The following HECTD3 variants were observed in gnomAD, a reference collection of about 807,000 sequenced individuals.
HECTD3 encodes the protein HECT domain E3 ubiquitin protein ligase 3, also known as E3 ubiquitin-protein ligase HECTD3.
In HECTD3, 72 loss-of-function variants were observed where a neutral mutation model predicts 109.3. The ratio of observed to expected loss-of-function variants is 0.66; its 90% confidence interval spans 0.54 to 0.80. HECTD3 has a LOEUF of 0.80. HECTD3 is among the 30% of genes least tolerant of loss of function. HECTD3 has a pLI of 0.00. For missense variants in HECTD3, 1,041 were observed against 1,165.2 expected, an observed-to-expected ratio of 0.89 and a Z score of 1.55; for synonymous variants, 481 against 471.8, an observed-to-expected ratio of 1.02 and a Z score of -0.25.
At position 45,006,136 on chromosome 1, in the gene HECTD3, G is replaced by GT; in HGVS notation, c.1726-21dup. Reference sequence around the variant, plus strand: ...ATTGCCCTGCCCCAGAGACAGAGCTGTGAGTGTGGCATGAGATACACCCTA... The same window carrying GT: ...ATTGCCCTGCCCCAGAGACAGAGCTGTTGAGTGTGGCATGAGATACACCCTA... On this transcript the variant is annotated intron_variant, in intron 13 of 20. Transcript: ENST00000372172. This position sits in a 1 kb window ranked among gnomAD's most constrained non-coding sequence, Gnocchi z 4.7. 4 of 1,610,108 alleles carry GT rather than the reference G, an allele frequency of 2.5e-6. No homozygotes were observed. The South Asian group carries it at 3.3e-5, about 13-fold the overall frequency.
Position 45,009,909 on chromosome 1 carries a change from G to A in HECTD3, c.759+77C>T, listed in dbSNP as rs141183687. The A allele has an allele frequency of 9.7e-5, 146 of 1,498,688 alleles. 1 individual carries two copies. The highest frequency in any genetic ancestry group is 9.1e-4 in the Admixed American group (40 of 44,080). 92.8% of individuals were successfully genotyped at this position (1,498,688 alleles called of 1,614,324 possible). A position where few individuals can be genotyped will look rare whatever the true frequency, so the allele number is the denominator to read the frequency against. ...ACCCTGTTTTAGTCCTGGCCTGCAG[G>A]TGGGGGTTCTTTCTGGATCTAGCCT... On this transcript the variant is annotated intron_variant, in intron 4 of 20. Transcript: ENST00000372172.
chr1:45,005,559 T>A, intron 15 of HECTD3: 1 of 411,996 alleles, frequency 2.4e-6, no homozygotes, highest in Non-Finnish European at 4.3e-6. Context: ...AGATGCCATC[T>A]TGGGGCAAAC....
intron 16 of HECTD3, 46 bp from the exon 17 acceptor site, chr1:45,004,423 C>T: frequency 6.2e-7 from 1 of 1,613,130 alleles, no homozygotes; most frequent in Non-Finnish European, 8.5e-7. Context: ...GGGCACACCT[C>T]CCGCCTCACA....
rs1644791947 is a variant in HECTD3, at chr1:45,011,312, C to T, written c.-55G>A. ...GCGACCCTGCCCGGGGAACAGCTGG[C>T]GCGACCGCGGACAGAGCTTCCCACC... On this transcript the variant is annotated 5_prime_UTR_variant, in exon 1 of 21. Coordinates refer to ENST00000372172, the MANE Select transcript of HECTD3 (RefSeq NM_024602.6). 3.0e-6 allele frequency: 4 copies of T among 1,349,154 alleles called. No homozygotes were observed. The East Asian group carries it at 9.3e-5, about 31-fold the overall frequency. The allele number at this position is 1,349,154 out of a possible 1,614,324, so 83.6% of individuals were successfully genotyped here.
intron 2 of HECTD3, 78 bp downstream of exon 2, chr1:45,010,468 C>A: frequency 6.3e-7 from 1 of 1,579,124 alleles, no homozygotes; most frequent in African/African-American, 1.3e-5. Flanking sequence ...CCACCCACCC[C>A]AGGCTGTGGC....
At position 45,007,568 on chromosome 1, in the gene HECTD3, G is replaced by A. The variant is rs1557728786; in HGVS notation, c.1348C>T (p.Arg450Cys). 8 of 1,612,320 alleles carry A rather than the reference G, an allele frequency of 5.0e-6. No homozygotes were observed. Among genetic ancestry groups the A allele is most frequent in the South Asian group, 1.1e-5 (1 of 91,076 alleles). ...KQVKQFLLLS[R>C]QRPGLVAQCL... ...TGAGCCACCAGGCCTGGCCGCTGGC[G>A]GGACAGCAGTAGGAACTGCTTCACT... is the stretch of plus-strand genomic sequence containing the variant. The change falls in exon 10 of 21, where the codon CGC becomes TGC. Residue 450 changes from arginine (R) to cysteine (C), a missense_variant. By Grantham distance (180) the Arg-to-Cys change is radical. Transcript: ENST00000372172.
intron 3 of HECTD3, 27 bp from the exon 4 acceptor site, chr1:45,010,148 A>C: frequency 5.0e-6 from 8 of 1,613,490 alleles, no homozygotes; most frequent in Non-Finnish European, 6.8e-6. Context: ...CCCTAATTAG[A>C]CTGGGCCCAG....
Position 45,010,711 on chromosome 1 carries a change from C to G in HECTD3, c.370-5G>C. 6.5e-7 allele frequency: 1 copy of G among 1,542,234 alleles called. No individual in the cohort carries two copies. Among genetic ancestry groups the G allele is most frequent in the Non-Finnish European group, 8.7e-7 (1 of 1,149,526 alleles). On this transcript the variant is annotated splice_region_variant and splice_polypyrimidine_tract_variant and intron_variant, in intron 1 of 20. Transcript: ENST00000372172. ...CAGGTGCTCTGCCAGCTGCTCCTGC[C>G]GGGACGCGTAGGATGGGGACAGCCG...
chr1:45,007,882 C>T (rs1018612248), intron 9 of HECTD3, among the ~76,000 whole-genome samples: 3 of 148,396 alleles, frequency 2.0e-5, no homozygotes, highest in Non-Finnish European at 3.0e-5. Context: ...CAACCAGGAC[C>T]TGTCTCCTGC....
intron 9 of HECTD3, among the ~76,000 whole-genome samples, chr1:45,007,985 T>G (rs1644751140): frequency 6.6e-6 from 1 of 152,186 alleles, no homozygotes; most frequent in Non-Finnish European, 1.5e-5. Context: ...TCCCTGTATG[T>G]ACCTTTCACG....
chr1:45,006,816 A>C lies in HECTD3; in HGVS notation c.1622-21T>G, dbSNP rs773179837. The C allele has an allele frequency of 3.7e-6, 6 of 1,607,802 alleles. No individual in the cohort carries two copies. Among genetic ancestry groups the C allele is most frequent in the Non-Finnish European group, 5.1e-6 (6 of 1,175,712 alleles). ...ACCCCCTGAAATGACAGATGCCCTC[A>C]GCTGGGCACTCAAGAGCCCAGCTCC... On this transcript the variant is annotated intron_variant, in intron 12 of 20. Coordinates refer to ENST00000372172, the MANE Select transcript of HECTD3 (RefSeq NM_024602.6). This position sits in a 1 kb window ranked among gnomAD's most constrained non-coding sequence, Gnocchi z 4.7.
Position 45,002,959 on chromosome 1 carries a change from A to T in HECTD3, c.*533T>A, listed in dbSNP as rs4660829. 0.99 allele frequency: 160,954 copies of T among 162,382 alleles called. 79,788 individuals carry two copies. The highest frequency in any genetic ancestry group is 1 in the Middle Eastern group (308 of 308). 10.1% of individuals were successfully genotyped at this position (162,382 alleles called of 1,614,324 possible). A position where few individuals can be genotyped will look rare whatever the true frequency, so the allele number is the denominator to read the frequency against. ...ATGGAGGGAGAGGGGAAAAGAGCAGAATGTGAGGGCAGGTGCTCAGCTACT... is the reference window on the plus strand; with the variant it reads ...ATGGAGGGAGAGGGGAAAAGAGCAGTATGTGAGGGCAGGTGCTCAGCTACT... On this transcript the variant is annotated 3_prime_UTR_variant, in exon 21 of 21. Coordinates refer to ENST00000372172, the MANE Select transcript of HECTD3 (RefSeq NM_024602.6).
Position 45,009,089 on chromosome 1 carries a change from T to C in HECTD3, c.1072+55A>G, listed in dbSNP as rs544365923. On this transcript the variant is annotated intron_variant, in intron 7 of 20. Transcript: ENST00000372172. ...TCTTCTCTCCACACACACTCTCTGT[T>C]TGCCCCCATCTCCACGCCGGGCTCT... 2.5e-4 allele frequency: 341 copies of C among 1,349,522 alleles called. 1 individual carries two copies. Among genetic ancestry groups the C allele is most frequent in the Non-Finnish European group, 2.9e-4 (275 of 939,134 alleles). 83.6% of individuals were successfully genotyped at this position (1,349,522 alleles called of 1,614,324 possible). A position where few individuals can be genotyped will look rare whatever the true frequency, so the allele number is the denominator to read the frequency against.
Position 45,006,894 on chromosome 1 carries a change from C to G in HECTD3, c.1621+57G>C, listed in dbSNP as rs1644740572. 1 of 1,601,540 alleles carries G rather than the reference C, an allele frequency of 6.2e-7. No individual in the cohort carries two copies. Among genetic ancestry groups the G allele is most frequent in the African/African-American group, 1.3e-5 (1 of 74,692 alleles). ...ATCATCATTAGCTGGTGAAAAGCCT[C>G]TACCACTTTGATAGGGCAGCAAGCA... On this transcript the variant is annotated intron_variant, in intron 12 of 20. Transcript: ENST00000372172. The surrounding 1 kb of genome is among the most constrained non-coding windows in gnomAD (Gnocchi z 4.7).
Position 45,011,024 on chromosome 1 carries a change from T to C in HECTD3, c.234A>G (p.Ala78=). ...CGGAGCCGGTACCGGGGGCTGGGCCTGCGGCGCCCACACGCAGCCCCAGGC... is the reference window on the plus strand; with the variant it reads ...CGGAGCCGGTACCGGGGGCTGGGCCCGCGGCGCCCACACGCAGCCCCAGGC... ...AEGLGLRVGA[A]GPAPGTGSGP... Residue 78 remains alanine (A), a synonymous_variant, in exon 1 of 21, where the codon GCA becomes GCG. Coordinates refer to ENST00000372172, the MANE Select transcript of HECTD3 (RefSeq NM_024602.6). 1 of 1,423,440 alleles carries C rather than the reference T, an allele frequency of 7.0e-7. No homozygotes were observed. The highest frequency in any genetic ancestry group is 9.1e-7 in the Non-Finnish European group (1 of 1,096,190). 88.2% of individuals were successfully genotyped at this position (1,423,440 alleles called of 1,614,324 possible).
Position 45,003,589 on chromosome 1 carries a change from G to A in HECTD3, c.2502-13C>T, listed in dbSNP as rs753902481. ...GCATACCTTGGCACTGTGGGAATGG[G>A]GACTTGGTCAGGTCCCTACATCGCT... On this transcript the variant is annotated splice_polypyrimidine_tract_variant and intron_variant, in intron 20 of 20. Transcript: ENST00000372172. This position sits in a 1 kb window ranked among gnomAD's most constrained non-coding sequence, Gnocchi z 4.7. 6.2e-7 allele frequency: 1 copy of A among 1,614,134 alleles called. No homozygotes were observed. Among genetic ancestry groups the A allele is most frequent in the Non-Finnish European group, 8.5e-7 (1 of 1,179,970 alleles).
Position 45,010,814 on chromosome 1 carries a change from G to A in HECTD3, c.369+75C>T. 5 of 1,508,168 alleles carry A rather than the reference G, an allele frequency of 3.3e-6. No individual in the cohort carries two copies. In the South Asian group the frequency reaches 3.9e-5, roughly 12 times the overall value. The allele number at this position is 1,508,168 out of a possible 1,614,324, so 93.4% of individuals were successfully genotyped here. On this transcript the variant is annotated intron_variant, in intron 1 of 20. Transcript: ENST00000372172. Reference sequence around the variant, plus strand: ...AACGCAATGCCAACTCAATACAGGGGAGAAAAGGCAAACAGCCAGAGGTTT... The same window carrying A: ...AACGCAATGCCAACTCAATACAGGGAAGAAAAGGCAAACAGCCAGAGGTTT...
Position 45,010,652 on chromosome 1 carries a change from C to G in HECTD3, c.424G>C (p.Val142Leu). The change falls in exon 2 of 21, where the codon GTG becomes CTG. Residue 142 changes from valine to leucine, a missense_variant. Around this residue, in one of 2 missense-constraint regions of HECTD3, gnomAD observed 472 missense variants for 449.9 expected, o/e 1.05. Transcript: ENST00000372172. ...GCTCCGCCCTCCGCCGGGCGGCACA[C>G]CAGCAGCCAGCCTTCCTGCAGCCCG... Reference protein sequence around the residue: ...DCGLQEGWLLVCRPAEGGARL... With the variant: ...DCGLQEGWLLLCRPAEGGARL... The G allele has an allele frequency of 6.3e-7, 1 of 1,597,250 alleles. No homozygotes were observed. The highest frequency in any genetic ancestry group is 8.5e-7 in the Non-Finnish European group (1 of 1,174,806).
At position 45,010,987 on chromosome 1, in the gene HECTD3, C is replaced by T; in HGVS notation, c.271G>A (p.Ala91Thr). Reference sequence around the variant, plus strand: ...CGGAGCTCAATGCTGTCGCGGGCGGCGCGGAGGGGCCCGGAGCCGGTACCG... The same window carrying T: ...CGGAGCTCAATGCTGTCGCGGGCGGTGCGGAGGGGCCCGGAGCCGGTACCG... ...APGTGSGPLR[A>T]ARDSIELRRG... The change falls in exon 1 of 21, where the codon GCC (alanine) becomes ACC (threonine). Residue 91 changes from alanine (A) to threonine (T), a missense_variant. Ala to Thr is a moderately conservative substitution (Grantham distance 58, BLOSUM62 0). This residue lies in a region of HECTD3 where 472 missense variants were observed against 449.9 expected (regional missense o/e 1.05). Coordinates refer to ENST00000372172, the MANE Select transcript of HECTD3 (RefSeq NM_024602.6). 1 of 1,487,896 alleles carries T rather than the reference C, an allele frequency of 6.7e-7. No homozygotes were observed. The highest frequency in any genetic ancestry group is 1.3e-5 in the South Asian group (1 of 75,844). The allele number at this position is 1,487,896 out of a possible 1,614,324, so 92.2% of individuals were successfully genotyped here.
Sources: gnomAD v4.1 joint callset for allele counts (sites outside exome capture counted in the v4.1 genomes callset) on GRCh38, gnomAD v4.1.1 for gene constraint, gnomAD v4.1.1 regional missense constraint, Gnocchi (gnomAD v3.1) non-coding constraint, MANE v1.5 for transcripts, NCBI Gene and HGNC (gene_info 2026-07-23, HGNC 2026-07-21) for gene names.